TRERF1: variants seen among roughly 807,000 people sequenced by gnomAD.
The protein encoded by TRERF1 is transcriptional regulating factor 1.
TRERF1 carries 27 observed loss-of-function variants against 122.9 expected under a neutral mutation model. The observed-to-expected ratio is 0.22, with a 90% CI of 0.16 to 0.30. TRERF1 has a LOEUF of 0.30. TRERF1 is among the 10% of genes least tolerant of loss of function. The pLI, the probability that TRERF1 is intolerant of heterozygous loss-of-function variation, is 1.00. For missense variants in TRERF1, 1,248 were observed against 1,560.3 expected (o/e 0.80, Z 3.37); for synonymous variants, 636 against 641.7 (o/e 0.99, Z 0.13).
intron 2 of TRERF1, among the ~76,000 whole-genome samples, chr6:42,388,630 C>T (rs1042840814): frequency 6.6e-6 from 1 of 152,054 alleles, no homozygotes; most frequent in African/African-American, 2.4e-5. Context: ...TAAGAGACAC[C>T]TAAGGCTTGG....
At chr6:42,447,391 C>A (rs1787709848) in intron 2 of TRERF1, among the ~76,000 whole-genome samples, 1 of 152,232 alleles carries the variant, frequency 6.6e-6, no homozygotes, top group Non-Finnish European at 1.5e-5. Context: ...ATGCCCACAG[C>A]ACCCTTGTGG....
intron 3 of TRERF1, among the ~76,000 whole-genome samples, chr6:42,317,052 A>C (rs1762610902): frequency 6.6e-6 from 1 of 152,160 alleles, no homozygotes; most frequent in South Asian, 2.1e-4. Flanking sequence ...CCTAATGTAG[A>C]GGCTGACTCA....
chr6:42,236,322 C>T (rs774288676), exon 16 of TRERF1: 1 of 1,600,626 alleles, frequency 6.2e-7, no homozygotes, highest in Non-Finnish European at 8.5e-7. Flanking sequence ...GGGACTTCGG[C>T]ACCTCACTCT....
chr6:42,269,012 TGGG>T lies in TRERF1; in HGVS notation c.576_578del (p.Pro193del). 6.2e-7 allele frequency: 1 copy of T among 1,613,818 alleles called. No individual in the cohort carries two copies. Among genetic ancestry groups the T allele is most frequent in the Non-Finnish European group, 8.5e-7 (1 of 1,179,808 alleles). On this transcript the variant is annotated inframe_deletion, in exon 5 of 18. Transcript: ENST00000372922. The surrounding 1 kb of genome is among the most constrained non-coding windows in gnomAD (Gnocchi z 4.9). ...GGTAGCGGGAAGGGATAGCCGGTGC[TGGG>T]GGCTCCATGGGCTTCTGAGACAGCA...
Position 42,408,821 on chromosome 6 carries a change from G to C in TRERF1, c.-454+42356C>G, listed in dbSNP as rs1438734229. ...AAAAAATACCACCTGCTTCCTCTGA[G>C]TTTTAAGAGTTTGTAAAACTAACTT... On this transcript the variant is annotated intron_variant, in intron 2 of 17. Transcript: ENST00000372922. Among the ~76,000 whole-genome samples, 16 of 152,036 alleles carry C rather than the reference G, an allele frequency of 1.1e-4. No individual in the cohort carries two copies. In the East Asian group the frequency reaches 2.9e-3, roughly 27 times the overall value.
chr6:42,258,981 C>T (rs566335743), intron 9 of TRERF1, among the ~76,000 whole-genome samples: 2 of 152,234 alleles, frequency 1.3e-5, no homozygotes, highest in East Asian at 1.9e-4. Context: ...GTGATCCACC[C>T]GCCTCGACCT....
chr6:42,436,574 T>G (rs1785398922), intron 2 of TRERF1, among the ~76,000 whole-genome samples: 1 of 151,752 alleles, frequency 6.6e-6, no homozygotes, highest in African/African-American at 2.4e-5. Context: ...CCAGGCCTAT[T>G]GTTATTTAAA....
chr6:42,257,572 T>C (rs1320533665), intron 10 of TRERF1, among the ~76,000 whole-genome samples: 2 of 152,242 alleles, frequency 1.3e-5, no homozygotes, highest in East Asian at 1.9e-4. Context: ...AACTAAACCC[T>C]ACAAAGGTTA....
chr6:42,232,530 T>C lies in TRERF1; in HGVS notation c.3278+151A>G, dbSNP rs959293679. ...CCATATTCTGAGTCTGCAACAGGAC[T>C]ACATACCCATCCCAAAGATGACACG... On this transcript the variant is annotated intron_variant, in intron 17 of 17. Transcript: ENST00000372922. This position sits in a 1 kb window ranked among gnomAD's most constrained non-coding sequence, Gnocchi z 4.5. 5 of 988,960 alleles carry C rather than the reference T, an allele frequency of 5.1e-6. No individual in the cohort carries two copies. In the Admixed American group the frequency reaches 1.2e-4, roughly 24 times the overall value. The allele number at this position is 988,960 out of a possible 1,614,324, so 61.3% of individuals were successfully genotyped here.
chr6:42,258,091 G>A, intron 10 of TRERF1, 44 bp downstream of exon 10: 1 of 1,533,028 alleles, frequency 6.5e-7, no homozygotes, highest in Non-Finnish European at 9.0e-7. Context: ...TACTTCTCAA[G>A]AAGCTGAGGC....
intron 3 of TRERF1, among the ~76,000 whole-genome samples, chr6:42,360,146 T>G (rs544568730): frequency 1.3e-5 from 2 of 152,350 alleles, no homozygotes; most frequent in African/African-American, 4.8e-5. Flanking sequence ...AAAGGTAACA[T>G]TTATTGGGCT....
Position 42,243,365 on chromosome 6 carries a change from C to T in TRERF1, c.2746-4G>A. On this transcript the variant is annotated splice_region_variant and splice_polypyrimidine_tract_variant and intron_variant, in intron 14 of 17. Coordinates refer to ENST00000372922, the Ensembl canonical transcript of TRERF1. ...GAGCCACCGTCTTGGACTTCACCTG[C>T]CGGGAAAGCGAACTCAAGGTTAGCT... The T allele has an allele frequency of 6.2e-7, 1 of 1,609,046 alleles. No homozygotes were observed. The highest frequency in any genetic ancestry group is 1.3e-5 in the African/African-American group (1 of 74,920).
At chr6:42,429,287 T>C (rs1485588376) in intron 2 of TRERF1, among the ~76,000 whole-genome samples, 1 of 152,062 alleles carries the variant, frequency 6.6e-6, no homozygotes, top group Non-Finnish European at 1.5e-5. Flanking sequence ...CCTGGGAAGG[T>C]AGCATTCTCT....
intron 3 of TRERF1, among the ~76,000 whole-genome samples, chr6:42,341,284 G>A (rs764912665): frequency 4.6e-5 from 7 of 152,222 alleles, no homozygotes; most frequent in Non-Finnish European, 8.8e-5. Flanking sequence ...ACAAATAACT[G>A]TAAGAAGTTT....
intron 2 of TRERF1, among the ~76,000 whole-genome samples, chr6:42,440,244 T>C (rs559352884): frequency 6.6e-6 from 1 of 152,290 alleles, no homozygotes; most frequent in South Asian, 2.1e-4. Flanking sequence ...GCTGAGGTTC[T>C]TAGAGTCTAG....
Position 42,228,486 on chromosome 6 carries a change from T to C in TRERF1, c.3462A>G (p.Lys1154=), listed in dbSNP as rs1414054993. Residue 1154 remains lysine, a synonymous_variant, in exon 18 of 18, where the codon AAA becomes AAG. Coordinates refer to ENST00000372922, the Ensembl canonical transcript of TRERF1. The surrounding 1 kb of genome is among the most constrained non-coding windows in gnomAD (Gnocchi z 4.2). ...CGAGGATGTCCACATCCTTGATGGG[T>C]TTGATCAGACTCAGCTGGTCCAGGG... 13 of 1,614,072 alleles carry C rather than the reference T, an allele frequency of 8.1e-6. No homozygotes were observed. The highest frequency in any genetic ancestry group is 2.7e-5 in the African/African-American group (2 of 74,942).
chr6:42,278,532 T>A (rs1781705071), intron 4 of TRERF1, among the ~76,000 whole-genome samples: 2 of 152,090 alleles, frequency 1.3e-5, no homozygotes, highest in Admixed American at 6.5e-5. Flanking sequence ...CCTTTCAGCC[T>A]AAAGGGAAAG....
intron 2 of TRERF1, among the ~76,000 whole-genome samples, chr6:42,399,671 G>C (rs1370746761): frequency 6.6e-6 from 1 of 152,188 alleles, no homozygotes. Flanking sequence ...TCTGTTCCAG[G>C]CCTAATGCTG....
At chr6:42,438,153 C>T (rs1785782480) in intron 2 of TRERF1, among the ~76,000 whole-genome samples, 1 of 151,350 alleles carries the variant, frequency 6.6e-6, no homozygotes, top group Middle Eastern at 3.4e-3. Flanking sequence ...AACTCCTGAC[C>T]TCAAGTGATC....
Sources: allele counts gnomAD v4.1 joint callset (sites outside exome capture counted in the v4.1 genomes callset), GRCh38; gene constraint gnomAD v4.1.1; non-coding constraint Gnocchi (gnomAD v3.1); transcripts MANE v1.5; gene names NCBI Gene and HGNC (gene_info 2026-07-23, HGNC 2026-07-21).